Variants in CACNB4 observed in about 807,000 individuals in gnomAD.
CACNB4 encodes calcium voltage-gated channel auxiliary subunit beta 4.
CACNB4 carries 32 observed loss-of-function variants against 71.2 expected under a neutral mutation model. That is an observed-to-expected ratio of 0.45 (90% confidence interval 0.34 to 0.60). The LOEUF is 0.60. Among genes scored for constraint, CACNB4 ranks in the 20% least tolerant of loss-of-function variants. The pLI is 0.01. For missense variants in CACNB4, 464 were observed against 647.9 expected, an observed-to-expected ratio of 0.72 and a Z score of 3.08; for synonymous variants, 231 against 236.9, an observed-to-expected ratio of 0.97 and a Z score of 0.23.
chr2:151,962,669 G>A (rs539600454), intron 2 of CACNB4, among the ~76,000 whole-genome samples: 6 of 152,302 alleles, frequency 3.9e-5, no homozygotes, highest in East Asian at 1.9e-4. Flanking sequence ...AACACAAAAC[G>A]TCTTTGTGAC....
At chr2:151,949,166 T>G (rs1578930475) in intron 2 of CACNB4, among the ~76,000 whole-genome samples, 1 of 151,030 alleles carries the variant, frequency 6.6e-6, no homozygotes, top group Non-Finnish European at 1.5e-5. Context: ...TGATACCTAT[T>G]GCTTTCAAAT....
intron 2 of CACNB4, among the ~76,000 whole-genome samples, chr2:151,959,535 A>G (rs1211190391): frequency 1.3e-5 from 2 of 152,228 alleles, no homozygotes; most frequent in Non-Finnish European, 2.9e-5. Context: ...GCAGCACTCA[A>G]ATGAAAAATG....
chr2:151,870,792 T>C (rs1202333115), intron 7 of CACNB4, 50 bp downstream of exon 7: 1 of 1,470,060 alleles, frequency 6.8e-7, no homozygotes, highest in Non-Finnish European at 9.5e-7. Flanking sequence ...ATTGCAGGCA[T>C]GTATATATAG....
intron 2 of CACNB4, among the ~76,000 whole-genome samples, chr2:151,895,846 C>CTT (rs11446492): frequency 1.2e-3 from 165 of 140,230 alleles, no homozygotes; most frequent in South Asian, 2.1e-3. Flanking sequence ...TAATTGTGTA[C>CTT]TTTTTTTTTT....
intron 2 of CACNB4, among the ~76,000 whole-genome samples, chr2:152,009,755 A>C (rs1343555481): frequency 6.6e-6 from 1 of 152,206 alleles, no homozygotes; most frequent in East Asian, 1.9e-4. Context: ...CTCTGAGGAA[A>C]GACGGTCCAC....
chr2:152,054,211 C>G (rs1395770649), intron 2 of CACNB4, among the ~76,000 whole-genome samples: 1 of 151,192 alleles, frequency 6.6e-6, no homozygotes, highest in Non-Finnish European at 1.5e-5. Flanking sequence ...ACTAAAAATA[C>G]AAAAATTAGC....
At chr2:151,997,095 G>A (rs1682091446) in intron 2 of CACNB4, among the ~76,000 whole-genome samples, 1 of 152,134 alleles carries the variant, frequency 6.6e-6, no homozygotes, top group African/African-American at 2.4e-5. Context: ...CACACCAAAA[G>A]ATACATCTGC....
At chr2:151,986,504 A>C (rs10192810) in intron 2 of CACNB4, among the ~76,000 whole-genome samples, 150,640 of 152,246 alleles carry the variant, frequency 0.99, 74,553 homozygotes, top group Middle Eastern at 1. Flanking sequence ...CATCTCTAAG[A>C]CACCAATTAT....
chr2:151,879,310 C>G (rs990911641), intron 4 of CACNB4, among the ~76,000 whole-genome samples: 2 of 152,182 alleles, frequency 1.3e-5, no homozygotes, highest in African/African-American at 2.4e-5. Flanking sequence ...AGCGAAAGCA[C>G]AGTGAGAATC....
At chr2:151,991,679 A>C (rs551731652) in intron 2 of CACNB4, among the ~76,000 whole-genome samples, 2 of 152,188 alleles carry the variant, frequency 1.3e-5, no homozygotes, top group Non-Finnish European at 2.9e-5. Context: ...AGAAACAAAC[A>C]ATCTTTTTCT....
intron 2 of CACNB4, among the ~76,000 whole-genome samples, chr2:152,050,066 G>A (rs539384967): frequency 2.0e-5 from 3 of 152,368 alleles, no homozygotes; most frequent in African/African-American, 7.2e-5. Context: ...TCTTGGCCAA[G>A]CTGGCATTTG....
chr2:151,956,861 T>C (rs1425141785), intron 2 of CACNB4, among the ~76,000 whole-genome samples: 2 of 152,182 alleles, frequency 1.3e-5, no homozygotes, highest in African/African-American at 4.8e-5. Flanking sequence ...ACCTTTTAAT[T>C]TCCAGCCGGG....
At chr2:151,985,174 T>G (rs1014453128) in intron 2 of CACNB4, among the ~76,000 whole-genome samples, 3 of 152,210 alleles carry the variant, frequency 2.0e-5, no homozygotes, top group Admixed American at 1.3e-4. Flanking sequence ...GTCTTAGTAC[T>G]AAAATATGAT....
At chr2:152,066,329 C>T (rs1357993659) in intron 2 of CACNB4, among the ~76,000 whole-genome samples, 2 of 152,152 alleles carry the variant, frequency 1.3e-5, no homozygotes, top group African/African-American at 4.8e-5. Context: ...AAAAAGTGGG[C>T]AAAGGACATG....
intron 2 of CACNB4, among the ~76,000 whole-genome samples, chr2:152,045,533 T>C (rs1288149400): frequency 6.6e-6 from 1 of 152,020 alleles, no homozygotes; most frequent in Admixed American, 6.6e-5. Context: ...GGAGCAAAAA[T>C]TCTGCATCTA....
chr2:151,951,850 T>C (rs987929835), intron 2 of CACNB4, among the ~76,000 whole-genome samples: 1 of 152,176 alleles, frequency 6.6e-6, no homozygotes, highest in Admixed American at 6.5e-5. Context: ...CTGAGAGAAC[T>C]TTCTAGTAAA....
intron 2 of CACNB4, among the ~76,000 whole-genome samples, chr2:151,940,550 T>C (rs960898448): frequency 4.6e-5 from 7 of 152,170 alleles, no homozygotes; most frequent in East Asian, 1.9e-4. Context: ...TCCACAGACT[T>C]GGGAGGTTCA....
intron 2 of CACNB4, among the ~76,000 whole-genome samples, chr2:151,940,306 C>G (rs1008439157): frequency 5.9e-5 from 9 of 152,074 alleles, no homozygotes; most frequent in African/African-American, 2.2e-4. Context: ...CTAGAATCTC[C>G]CCCAAAGAGG....
intron 2 of CACNB4, among the ~76,000 whole-genome samples, chr2:152,035,968 T>G (rs1030037996): frequency 6.6e-6 from 1 of 152,148 alleles, no homozygotes; most frequent in Non-Finnish European, 1.5e-5. Flanking sequence ...ATGTGGCGTA[T>G]GCAGACAATA....
Sources: allele counts gnomAD v4.1 joint callset (sites outside exome capture counted in the v4.1 genomes callset), GRCh38; gene constraint gnomAD v4.1.1; transcripts MANE v1.5; gene names NCBI Gene and HGNC (gene_info 2026-07-23, HGNC 2026-07-21).